Variants in NTM observed in about 807,000 individuals in gnomAD.
The protein encoded by NTM is neurotrimin.
In NTM, 13 loss-of-function variants were observed where a neutral mutation model predicts 42.1. That is an observed-to-expected ratio of 0.31 (90% confidence interval 0.20 to 0.49). The LOEUF (loss-of-function observed/expected upper bound fraction) is 0.49. NTM is among the 20% of genes least tolerant of loss of function. The pLI is 0.99. For synonymous variants in NTM, 187 were observed against 179.2 expected, an observed-to-expected ratio of 1.04 and a Z score of -0.35; for missense variants, 373 against 452.8, an observed-to-expected ratio of 0.82 and a Z score of 1.60.
intron 6 of NTM, among the ~76,000 whole-genome samples, chr11:132,313,177 A>C (rs2095328164): frequency 6.6e-6 from 1 of 150,576 alleles, no homozygotes; most frequent in African/African-American, 2.4e-5. Context: ...ATGCCAAAAA[A>C]CACTGTGACC....
chr11:131,908,898 C>T (rs948982053), intron 1 of NTM, among the ~76,000 whole-genome samples: 1 of 152,200 alleles, frequency 6.6e-6, no homozygotes, highest in African/African-American at 2.4e-5. Context: ...CTTCTGCTCC[C>T]CGCAGATGTA....
chr11:131,867,885 G>A (rs767722964), intron 1 of NTM, among the ~76,000 whole-genome samples: 2 of 152,102 alleles, frequency 1.3e-5, no homozygotes, highest in African/African-American at 2.4e-5. Context: ...ACAGTTTTGC[G>A]GGAGGCCAGG....
chr11:131,464,907 C>G (rs73588722), intron 1 of NTM, among the ~76,000 whole-genome samples: 8,384 of 152,220 alleles, frequency 0.055, 766 homozygotes, highest in African/African-American at 0.19. Flanking sequence ...TGGACAAGAC[C>G]CCCTGTTTTC....
intron 3 of NTM, among the ~76,000 whole-genome samples, chr11:132,192,426 C>A (rs1175590119): frequency 3.3e-5 from 5 of 152,082 alleles, no homozygotes; most frequent in African/African-American, 9.7e-5. Context: ...GCTTCATAAG[C>A]AAAGGAGAAA....
At chr11:131,588,842 C>A (rs2059109724) in intron 1 of NTM, among the ~76,000 whole-genome samples, 1 of 152,174 alleles carries the variant, frequency 6.6e-6, no homozygotes, top group Non-Finnish European at 1.5e-5. Flanking sequence ...GGGGTAAAGA[C>A]ATTAACTGCT....
intron 1 of NTM, among the ~76,000 whole-genome samples, chr11:131,801,670 A>G (rs567271121): frequency 6.6e-6 from 1 of 152,064 alleles, no homozygotes; most frequent in South Asian, 2.1e-4. Flanking sequence ...TCCTCATGCT[A>G]CAGAAGGGAG....
At chr11:132,093,416 C>G (rs1269523347) in intron 2 of NTM, among the ~76,000 whole-genome samples, 1 of 152,194 alleles carries the variant, frequency 6.6e-6, no homozygotes, top group Non-Finnish European at 1.5e-5. Context: ...TATTTTTCAT[C>G]TCTCTGTCAT....
chr11:131,372,761 A>G (rs1214742636), intron 1 of NTM, among the ~76,000 whole-genome samples: 1 of 151,974 alleles, frequency 6.6e-6, no homozygotes, highest in African/African-American at 2.4e-5. Flanking sequence ...CCCCAGGGCC[A>G]TACTGAATTT....
At chr11:131,663,104 C>T (rs2068378436) in intron 1 of NTM, 1 of 152,136 alleles carries the variant, frequency 6.6e-6, no homozygotes, top group Non-Finnish European at 1.5e-5. Flanking sequence ...GCACCCCTCC[C>T]CCAACACACA....
At chr11:131,427,477 A>G (rs1448353) in intron 1 of NTM, among the ~76,000 whole-genome samples, 77,895 of 151,996 alleles carry the variant, frequency 0.51, 20,531 homozygotes, top group East Asian at 0.88. Context: ...TACACTCTCC[A>G]GAAAACCACA....
intron 1 of NTM, chr11:131,774,059 CTGTTGTTCCAA>C (rs2086573856): frequency 1.0e-6 from 1 of 984,454 alleles, no homozygotes; most frequent in Non-Finnish European, 1.2e-6. Context: ...TTGCCTTCCT[CTGTTGTTCCAA>C]TGTTGTTCCA....
chr11:132,299,906 T>C (rs2094780072), intron 4 of NTM, among the ~76,000 whole-genome samples: 1 of 151,952 alleles, frequency 6.6e-6, no homozygotes, highest in Admixed American at 6.6e-5. Context: ...TATATGTACG[T>C]ATATTACATA....
intron 1 of NTM, among the ~76,000 whole-genome samples, chr11:131,509,105 T>A (rs2047908539): frequency 6.6e-6 from 1 of 152,228 alleles, no homozygotes; most frequent in African/African-American, 2.4e-5. Context: ...TTGTAATTTT[T>A]AAACCCCATT....
intron 1 of NTM, among the ~76,000 whole-genome samples, chr11:131,492,452 T>G (rs1019887726): frequency 3.3e-5 from 5 of 152,144 alleles, no homozygotes; most frequent in African/African-American, 9.7e-5. Context: ...TTCCACAACT[T>G]CATAAAAAGG....
chr11:131,393,398 G>C (rs1189510055), intron 1 of NTM, among the ~76,000 whole-genome samples: 2 of 152,210 alleles, frequency 1.3e-5, no homozygotes, highest in Non-Finnish European at 2.9e-5. Context: ...AGTGATGGAG[G>C]AATGGACAGA....
chr11:131,901,469 A>G lies in NTM; in HGVS notation c.83-10095A>G, dbSNP rs560553555. ...AAGTTTTAATTACTTAAGGGAACCT[A>G]ATGTCTTCTGCAAACTTGGGAGAGT... On this transcript the variant is annotated intron_variant, in intron 1 of 8. Transcript: ENST00000683400. 3.3e-5 allele frequency among the ~76,000 whole-genome samples: 5 copies of G among 152,324 alleles called. No individual in the cohort carries two copies. The East Asian group carries it at 9.6e-4, about 29-fold the overall frequency.
intron 1 of NTM, among the ~76,000 whole-genome samples, chr11:131,567,156 G>A (rs1401838127): frequency 6.6e-6 from 1 of 152,020 alleles, no homozygotes; most frequent in East Asian, 1.9e-4. Flanking sequence ...GTGGGGGACT[G>A]GGGAAGAGAG....
chr11:131,581,834 G>A (rs1042435322), intron 1 of NTM, among the ~76,000 whole-genome samples: 5 of 152,204 alleles, frequency 3.3e-5, no homozygotes, highest in African/African-American at 1.2e-4. Flanking sequence ...GCCTTTCCCT[G>A]ACATCCACAC....
chr11:131,737,314 A>G (rs2080595916), intron 1 of NTM, among the ~76,000 whole-genome samples: 1 of 152,180 alleles, frequency 6.6e-6, no homozygotes. Flanking sequence ...AGATGCAGGG[A>G]TGGTGGATCT....
Sources: allele counts gnomAD v4.1 joint callset (sites outside exome capture counted in the v4.1 genomes callset), GRCh38; gene constraint gnomAD v4.1.1; transcripts MANE v1.5; gene names NCBI Gene and HGNC (gene_info 2026-07-23, HGNC 2026-07-21).